The following TRABD2B variants were observed in gnomAD, a reference collection of about 807,000 sequenced individuals.
The protein encoded by TRABD2B is metalloprotease TIKI2.
TRABD2B carries 14 observed loss-of-function variants against 40.1 expected under a neutral mutation model. The ratio of observed to expected loss-of-function variants is 0.35; its 90% CI spans 0.23 to 0.55. TRABD2B has a LOEUF of 0.55. TRABD2B is among the 20% of genes least tolerant of loss of function. The pLI is 0.90. For missense variants in TRABD2B, 541 were observed against 648.6 expected (o/e 0.83, Z 1.80); for synonymous variants, 263 against 277.0 (o/e 0.95, Z 0.50).
chr1:47,886,333 T>G (rs557428876), intron 2 of TRABD2B, among the ~76,000 whole-genome samples: 1 of 152,356 alleles, frequency 6.6e-6, no homozygotes, highest in East Asian at 1.9e-4. Flanking sequence ...CTTTACCCGC[T>G]GAAGTGTTGG....
At chr1:47,887,737 C>T (rs1037039500) in intron 2 of TRABD2B, among the ~76,000 whole-genome samples, 4 of 152,252 alleles carry the variant, frequency 2.6e-5, no homozygotes, top group African/African-American at 9.6e-5. Flanking sequence ...TGAAGAGCAG[C>T]GAAGAAAGGG....
At chr1:47,780,682 G>C (rs140732363) in intron 4 of TRABD2B, among the ~76,000 whole-genome samples, 7 of 152,326 alleles carry the variant, frequency 4.6e-5, no homozygotes, top group Non-Finnish European at 1.0e-4. Context: ...GAGGATAGGA[G>C]TGGGTGGCAC....
intron 4 of TRABD2B, among the ~76,000 whole-genome samples, chr1:47,784,996 G>A (rs1317437593): frequency 6.6e-6 from 1 of 152,190 alleles, no homozygotes; most frequent in African/African-American, 2.4e-5. Context: ...GAAGGAGAGG[G>A]ACCCAGACTA....
intron 2 of TRABD2B, among the ~76,000 whole-genome samples, chr1:47,806,354 C>A (rs985141781): frequency 1.3e-5 from 2 of 152,156 alleles, no homozygotes; most frequent in African/African-American, 2.4e-5. Flanking sequence ...AGCGCCTGGC[C>A]CTGACTCCTG....
At position 47,926,063 on chromosome 1, in the gene TRABD2B, A is replaced by G. The variant is rs965951679; in HGVS notation, c.666+67971T>C. ...CTCTATTTGTTTTTGATACGTAGAA[A>G]TCTAATTGACTTTTACATGTGGACA... On this transcript the variant is annotated intron_variant, in intron 2 of 6. Transcript: ENST00000606738. Among the ~76,000 whole-genome samples the G allele has an allele frequency of 2.6e-5, 4 of 152,240 alleles. No individual in the cohort carries two copies. In the East Asian group the frequency reaches 7.7e-4, roughly 29 times the overall value.
intron 2 of TRABD2B, among the ~76,000 whole-genome samples, chr1:47,982,279 T>C (rs996364471): frequency 3.5e-4 from 53 of 152,172 alleles, no homozygotes; most frequent in African/African-American, 1.2e-3. Flanking sequence ...AATGGGCCAA[T>C]AATAATAATG....
At chr1:47,922,625 G>C (rs1252236007) in intron 2 of TRABD2B, among the ~76,000 whole-genome samples, 2 of 152,192 alleles carry the variant, frequency 1.3e-5, no homozygotes, top group Admixed American at 1.3e-4. Flanking sequence ...TATAAAATAA[G>C]ATAATGATAT....
chr1:47,828,073 T>C (rs1391900146), intron 2 of TRABD2B, among the ~76,000 whole-genome samples: 1 of 152,270 alleles, frequency 6.6e-6, no homozygotes, highest in East Asian at 1.9e-4. Flanking sequence ...GAGCCCTTCC[T>C]TGCAGGCCTG....
intron 2 of TRABD2B, among the ~76,000 whole-genome samples, chr1:47,855,632 A>G (rs184274540): frequency 1.3e-5 from 2 of 152,332 alleles, no homozygotes; most frequent in Admixed American, 6.5e-5. Context: ...GTCCACTGCT[A>G]TGGATGGAAT....
At position 47,762,137 on chromosome 1, in the gene TRABD2B, G is replaced by C. The variant is rs1310444906; in HGVS notation, c.*3765C>G. On this transcript the variant is annotated 3_prime_UTR_variant, in exon 7 of 7. Coordinates refer to ENST00000606738, the MANE Select transcript of TRABD2B (RefSeq NM_001194986.2). ...TCAATGGATGAGCAGTTACAGGGGA[G>C]AGAAGGGAGTTTCCAGGGGTAGGGA... The C allele has an allele frequency of 6.6e-6, 1 of 152,250 alleles. No individual in the cohort carries two copies. Among genetic ancestry groups the C allele is most frequent in the Non-Finnish European group, 1.5e-5 (1 of 68,082 alleles). 9.4% of individuals were successfully genotyped at this position (152,250 alleles called of 1,614,324 possible).
At chr1:47,864,645 CTTGAG>C (rs1291525657) in intron 2 of TRABD2B, among the ~76,000 whole-genome samples, 3 of 152,250 alleles carry the variant, frequency 2.0e-5, no homozygotes, top group South Asian at 2.1e-4. Flanking sequence ...GGGTTTTCCT[CTTGAG>C]TTAACTTTTC....
At chr1:47,836,681 A>G (rs752738013) in intron 2 of TRABD2B, among the ~76,000 whole-genome samples, 81 of 152,046 alleles carry the variant, frequency 5.3e-4, no homozygotes, top group Non-Finnish European at 9.4e-4. Flanking sequence ...CCTAATTCCC[A>G]CTGTGATAGT....
In TRABD2B at chr1:47,820,820, AC is replaced by A. The variant is rs1350678326; in HGVS notation, c.667-19202del. Among the ~76,000 whole-genome samples, 154 of 150,364 alleles carry A rather than the reference AC, an allele frequency of 1.0e-3. 1 individual carries two copies. In the East Asian group the frequency reaches 0.027, roughly 27 times the overall value. On this transcript the variant is annotated intron_variant, in intron 2 of 6. Transcript: ENST00000606738. ...CACACACACACACACACACACACAC[AC>A]AAAATCTTACTTACTCTTCCCATAA...
intron 2 of TRABD2B, among the ~76,000 whole-genome samples, chr1:47,886,988 C>T (rs1043731459): frequency 6.6e-6 from 1 of 151,116 alleles, no homozygotes; most frequent in African/African-American, 2.4e-5. Flanking sequence ...AGAGAAAGCA[C>T]TGGTCAGGAA....
At chr1:47,970,979 G>A (rs1645673963) in intron 2 of TRABD2B, among the ~76,000 whole-genome samples, 1 of 152,232 alleles carries the variant, frequency 6.6e-6, no homozygotes, top group African/African-American at 2.4e-5. Flanking sequence ...CAAAGCAAGT[G>A]ACATCGTCAA....
chr1:47,769,422 G>C (rs1644350320), intron 6 of TRABD2B, among the ~76,000 whole-genome samples: 1 of 152,148 alleles, frequency 6.6e-6, no homozygotes, highest in African/African-American at 2.4e-5. Flanking sequence ...TTCACACTTT[G>C]AAAACCAAAG....
chr1:47,884,924 C>G (rs989872418), intron 2 of TRABD2B, among the ~76,000 whole-genome samples: 12 of 152,154 alleles, frequency 7.9e-5, no homozygotes, highest in African/African-American at 2.9e-4. Flanking sequence ...CCAGGATCAT[C>G]TTTTTAAACT....
At position 47,933,072 on chromosome 1, in the gene TRABD2B, C is replaced by T. The variant is rs191041313; in HGVS notation, c.666+60962G>A. ...TGAACTCAGTCTCCCATCTCCTTGG[C>T]GTTCAGAGCCCTCCGTGAGCCCCCA... On this transcript the variant is annotated intron_variant, in intron 2 of 6. Transcript: ENST00000606738. 1.9e-3 allele frequency among the ~76,000 whole-genome samples: 293 copies of T among 150,988 alleles called. 3 individuals are homozygous for T. Among genetic ancestry groups the T allele is most frequent in the African/African-American group, 6.4e-3 (263 of 41,104 alleles).
intron 2 of TRABD2B, among the ~76,000 whole-genome samples, chr1:47,885,673 G>A (rs2124636451): frequency 6.6e-6 from 1 of 152,328 alleles, no homozygotes; most frequent in East Asian, 1.9e-4. Context: ...AAGTAGCTCG[G>A]TGGCCGGGAC....
Sources: allele counts gnomAD v4.1 joint callset (sites outside exome capture counted in the v4.1 genomes callset), GRCh38; gene constraint gnomAD v4.1.1; transcripts MANE v1.5; gene names NCBI Gene and HGNC (gene_info 2026-07-23, HGNC 2026-07-21).